The following SOS1 variants were observed in gnomAD, a reference collection of about 807,000 sequenced individuals.
The protein encoded by SOS1 is SOS Ras/Rac guanine nucleotide exchange factor 1.
SOS1 carries 25 observed loss-of-function variants against 157.6 expected under a neutral mutation model. The observed-to-expected ratio is 0.16, with a 90% CI of 0.12 to 0.22. The LOEUF (loss-of-function observed/expected upper bound fraction) is 0.22. SOS1 is among the 10% of genes least tolerant of loss of function. The pLI, the probability that SOS1 is intolerant of heterozygous loss-of-function variation, is 1.00. For missense variants in SOS1, 1,237 were observed against 1,599.1 expected, an observed-to-expected ratio of 0.77 and a Z score of 3.86; for synonymous variants, 528 against 534.0, an observed-to-expected ratio of 0.99 and a Z score of 0.16.
rs1162155461 is a variant in SOS1, at chr2:39,032,937, C to T, written c.1074+2275G>A. 2.0e-5 allele frequency among the ~76,000 whole-genome samples: 3 copies of T among 151,852 alleles called. No homozygotes were observed. In the East Asian group the frequency reaches 5.8e-4, roughly 29 times the overall value. ...CTGAGATCATGCCACTGCACTCCAG[C>T]CTGGAGAGGGTAGAAGAGGAATTCC... is the stretch of plus-strand genomic sequence containing the variant. On this transcript the variant is annotated intron_variant, in intron 8 of 22. Transcript: ENST00000402219.
intron 6 of SOS1, among the ~76,000 whole-genome samples, chr2:39,050,345 C>T (rs1391847922): frequency 2.6e-5 from 4 of 152,072 alleles, no homozygotes; most frequent in Admixed American, 2.0e-4. Flanking sequence ...TCTGAATCAC[C>T]CAGGTCCTGG....
At position 38,985,555 on chromosome 2, in the gene SOS1, T is replaced by C. The variant is rs1195556029; in HGVS notation, c.*269A>G. ...ACTTCACAAAAAGAGGACTCCTGCC[T>C]ATTGGCCAGAAAAAGTCCCTTTATG... On this transcript the variant is annotated 3_prime_UTR_variant, in exon 23 of 23. Coordinates refer to ENST00000402219, the MANE Select transcript of SOS1 (RefSeq NM_005633.4). 2.3e-6 allele frequency: 1 copy of C among 430,564 alleles called. No individual in the cohort carries two copies. Among genetic ancestry groups the C allele is most frequent in the African/African-American group, 2.0e-5 (1 of 49,736 alleles). The allele number at this position is 430,564 out of a possible 1,614,324, so 26.7% of individuals were successfully genotyped here.
intron 15 of SOS1, among the ~76,000 whole-genome samples, chr2:39,008,692 G>C (rs1669362168): frequency 6.6e-6 from 1 of 152,160 alleles, no homozygotes; most frequent in African/African-American, 2.4e-5. Context: ...ATTTTGTATA[G>C]CATTTATGCC....
In SOS1 at chr2:38,985,585, T is replaced by C; in HGVS notation, c.*239A>G. ...GCCAGAAAAAGTCCCTTTATGATTT[T>C]CAGGTGCAATCAGTTGTCCAATTCC... On this transcript the variant is annotated 3_prime_UTR_variant, in exon 23 of 23. Coordinates refer to ENST00000402219, the MANE Select transcript of SOS1 (RefSeq NM_005633.4). 2.0e-6 allele frequency: 1 copy of C among 494,624 alleles called. No homozygotes were observed. The highest frequency in any genetic ancestry group is 3.7e-6 in the Non-Finnish European group (1 of 273,088). The allele number at this position is 494,624 out of a possible 1,614,324, so 30.6% of individuals were successfully genotyped here.
intron 1 of SOS1, among the ~76,000 whole-genome samples, chr2:39,108,159 C>G (rs1031056500): frequency 6.6e-6 from 1 of 152,174 alleles, no homozygotes; most frequent in Non-Finnish European, 1.5e-5. Flanking sequence ...GCCTCTAAAT[C>G]TCTCTAATTA....
intron 6 of SOS1, among the ~76,000 whole-genome samples, chr2:39,036,426 C>T (rs1486065824): frequency 6.6e-6 from 1 of 152,146 alleles, no homozygotes; most frequent in African/African-American, 2.4e-5. Flanking sequence ...TCTTGGCTCA[C>T]TACAACCTCT....
intron 1 of SOS1, among the ~76,000 whole-genome samples, chr2:39,101,382 T>C (rs954194329): frequency 6.6e-6 from 1 of 152,064 alleles, no homozygotes; most frequent in Non-Finnish European, 1.5e-5. Context: ...AACATGAAAT[T>C]TGGAGGGGTC....
intron 21 of SOS1, among the ~76,000 whole-genome samples, chr2:38,988,575 ATAT>A (rs1368482456): frequency 2.6e-5 from 4 of 152,150 alleles, no homozygotes; most frequent in African/African-American, 9.6e-5. Context: ...TTGTGTACTG[ATAT>A]TATTTAAATG....
intron 8 of SOS1, among the ~76,000 whole-genome samples, chr2:39,025,174 G>T (rs922427219): frequency 6.6e-6 from 1 of 152,180 alleles, no homozygotes; most frequent in Non-Finnish European, 1.5e-5. Flanking sequence ...GGAGGCCCAG[G>T]TGGGAGGATC....
chr2:39,111,723 C>CTTT, intron 1 of SOS1, among the ~76,000 whole-genome samples: 1 of 141,272 alleles, frequency 7.1e-6, no homozygotes, highest in Non-Finnish European at 1.6e-5. Context: ...CTCTGGAATC[C>CTTT]TTTTTTTTTT....
At chr2:39,002,842 ATC>A (rs1669149034) in intron 17 of SOS1, among the ~76,000 whole-genome samples, 4 of 152,102 alleles carry the variant, frequency 2.6e-5, no homozygotes, top group Admixed American at 2.6e-4. Context: ...AGGCAGGTGG[ATC>A]TCTTGAGCTC....
chr2:39,054,528 T>C (rs1374749950), intron 5 of SOS1, 86 bp downstream of exon 5: 5 of 774,292 alleles, frequency 6.5e-6, no homozygotes, highest in Non-Finnish European at 1.1e-5. Context: ...AAATTAGTAA[T>C]GATGAACTGT....
chr2:39,071,112 C>T (rs1281258028), intron 1 of SOS1, among the ~76,000 whole-genome samples: 1 of 152,172 alleles, frequency 6.6e-6, no homozygotes, highest in Non-Finnish European at 1.5e-5. Flanking sequence ...AAGTGATCCA[C>T]CCACCTCCAC....
intron 1 of SOS1, among the ~76,000 whole-genome samples, chr2:39,096,233 T>C (rs1249722411): frequency 1.3e-5 from 2 of 152,220 alleles, no homozygotes; most frequent in Non-Finnish European, 2.9e-5. Flanking sequence ...TATTTTTACA[T>C]TACATATCCC....
chr2:39,007,363 G>C (rs1307311505), intron 15 of SOS1, 170 bp from the exon 16 acceptor site: 2 of 608,988 alleles, frequency 3.3e-6, no homozygotes, highest in Non-Finnish European at 5.8e-6. Context: ...AGTGCCTCCA[G>C]TCAGGCATAC....
At chr2:39,033,073 CTTT>C (rs775332046) in intron 8 of SOS1, among the ~76,000 whole-genome samples, 5 of 142,236 alleles carry the variant, frequency 3.5e-5, no homozygotes, top group Non-Finnish European at 1.5e-5. Context: ...TCTTTTTCTT[CTTT>C]TTTTTTTTTT....
At chr2:39,089,513 G>A (rs1268207412) in intron 1 of SOS1, among the ~76,000 whole-genome samples, 6 of 87,348 alleles carry the variant, frequency 6.9e-5, no homozygotes, top group Non-Finnish European at 4.2e-5. Flanking sequence ...TAGGCAACAA[G>A]AACAAGACTC....
At chr2:39,041,616 C>A (rs1317232940) in intron 6 of SOS1, among the ~76,000 whole-genome samples, 1 of 152,140 alleles carries the variant, frequency 6.6e-6, no homozygotes, top group Non-Finnish European at 1.5e-5. Flanking sequence ...AAGATTCAGA[C>A]CTGTTTTCTT....
At chr2:39,068,631 A>G (rs998010258) in intron 1 of SOS1, among the ~76,000 whole-genome samples, 27 of 152,292 alleles carry the variant, frequency 1.8e-4, no homozygotes, top group African/African-American at 5.3e-4. Context: ...GTAACTGTCT[A>G]TACTTCAGGA....
Sources: gnomAD v4.1 joint callset for allele counts (sites outside exome capture counted in the v4.1 genomes callset) on GRCh38, gnomAD v4.1.1 for gene constraint, MANE v1.5 for transcripts, NCBI Gene and HGNC (gene_info 2026-07-23, HGNC 2026-07-21) for gene names.